The following COL14A1 variants were observed in gnomAD, a reference collection of about 807,000 sequenced individuals.
COL14A1 encodes collagen type XIV alpha 1 chain.
Under a neutral mutation model 230.3 loss-of-function variants are expected in COL14A1, and 136 were observed. The ratio of observed to expected loss-of-function variants is 0.59; its 90% CI spans 0.51 to 0.68. COL14A1 has a LOEUF of 0.68. Ranked by LOEUF, COL14A1 falls within the 30% of genes least tolerant of loss-of-function variation. The probability of loss-of-function intolerance (pLI) is 0.00; values close to 1 mark genes in which losing one functional copy is unlikely to be tolerated. For missense variants in COL14A1, 1,976 were observed against 2,215.8 expected, an observed-to-expected ratio of 0.89 and a Z score of 2.17; for synonymous variants, 792 against 784.1, an observed-to-expected ratio of 1.01 and a Z score of -0.17.
At chr8:120,174,680 C>T (rs1816216277) in intron 5 of COL14A1, among the ~76,000 whole-genome samples, 2 of 152,104 alleles carry the variant, frequency 1.3e-5, no homozygotes, top group Admixed American at 6.6e-5. Context: ...TGGGGTAGGG[C>T]AAGAACTTTC....
chr8:120,247,714 A>G lies in COL14A1; in HGVS notation c.2581A>G (p.Ile861Val), dbSNP rs1245686678. The G allele has an allele frequency of 6.2e-7, 1 of 1,613,992 alleles. No individual in the cohort carries two copies. The highest frequency in any genetic ancestry group is 1.3e-5 in the African/African-American group (1 of 74,906). ...PPSSPVKGYR[I>V]VYKPVSVPGP... Reference sequence around the variant, plus strand: ...ATCTTCCCCGGTGAAAGGCTATAGAATTGTCTACAAACCTGTCAGTGGTAA... The same window carrying G: ...ATCTTCCCCGGTGAAAGGCTATAGAGTTGTCTACAAACCTGTCAGTGGTAA... Residue 861 changes from isoleucine (I) to valine (V), a missense_variant, in exon 21 of 48, where the codon ATT (isoleucine) becomes GTT (valine). Ile to Val is a conservative substitution (Grantham distance 29, BLOSUM62 3). Transcript: ENST00000297848.
chr8:120,206,595 C>T (rs145396291), intron 9 of COL14A1, among the ~76,000 whole-genome samples: 4 of 152,288 alleles, frequency 2.6e-5, no homozygotes, highest in African/African-American at 9.6e-5. Context: ...GTGATCTGCC[C>T]GCCTCGGCCT....
intron 42 of COL14A1, among the ~76,000 whole-genome samples, chr8:120,336,569 T>C (rs1822079052): frequency 6.6e-6 from 1 of 152,178 alleles, no homozygotes; most frequent in Non-Finnish European, 1.5e-5. Flanking sequence ...ATTCCCCAGC[T>C]GCCAGAACAT....
At chr8:120,198,010 G>A (rs1817100237) in intron 7 of COL14A1, 80 bp downstream of exon 7, 3 of 1,404,058 alleles carry the variant, frequency 2.1e-6, no homozygotes, top group Admixed American at 3.9e-5. Flanking sequence ...CACTTTGTAA[G>A]CGTTATCATA....
chr8:120,340,145 AC>A (rs1822243924), intron 42 of COL14A1, among the ~76,000 whole-genome samples: 1 of 151,272 alleles, frequency 6.6e-6, no homozygotes, highest in Non-Finnish European at 1.5e-5. Flanking sequence ...TATTGAATAG[AC>A]ATAGCAGGGC....
At chr8:120,279,026 C>G (rs912055164) in intron 28 of COL14A1, among the ~76,000 whole-genome samples, 1 of 151,878 alleles carries the variant, frequency 6.6e-6, no homozygotes, top group Non-Finnish European at 1.5e-5. Context: ...TGGAAACCAT[C>G]ATCCTCAGCA....
chr8:120,249,961 A>C (rs905900239), intron 21 of COL14A1, among the ~76,000 whole-genome samples: 2 of 152,234 alleles, frequency 1.3e-5, no homozygotes, highest in African/African-American at 4.8e-5. Flanking sequence ...ATGAGCATGC[A>C]TGGGAAGAAG....
At chr8:120,245,892 T>A (rs867800093) in intron 20 of COL14A1, among the ~76,000 whole-genome samples, 1 of 152,204 alleles carries the variant, frequency 6.6e-6, no homozygotes, top group Non-Finnish European at 1.5e-5. Flanking sequence ...TGGAAACTGC[T>A]AGTGTCACTT....
chr8:120,200,296 G>C (rs1009157450), intron 8 of COL14A1, among the ~76,000 whole-genome samples: 1 of 151,278 alleles, frequency 6.6e-6, no homozygotes, highest in Non-Finnish European at 1.5e-5. Context: ...TATCATGAAG[G>C]GTCCCTTTTA....
rs943342975 is a variant in COL14A1, at chr8:120,158,035, G to A, written c.89-95G>A. 2.3e-5 allele frequency: 15 copies of A among 656,916 alleles called. No homozygotes were observed. In the Admixed American group the frequency reaches 2.3e-4, roughly 10 times the overall value. The allele number at this position is 656,916 out of a possible 1,614,324, so 40.7% of individuals were successfully genotyped here. A position where few individuals can be genotyped will look rare whatever the true frequency, so the allele number is the denominator to read the frequency against. ...TATTTTGAGGCTGATGAAGTCTTTT[G>A]TGTGTATTTTTATTATACTACTTTG... On this transcript the variant is annotated intron_variant, in intron 2 of 47. Transcript: ENST00000297848.
chr8:120,271,203 G>A (rs145348520), intron 26 of COL14A1, among the ~76,000 whole-genome samples: 18 of 151,606 alleles, frequency 1.2e-4, no homozygotes, highest in Non-Finnish European at 2.5e-4. Flanking sequence ...GAAGGGAAGA[G>A]CAAACACCAG....
At chr8:120,269,346 CTTTG>C (rs1169364308) in intron 25 of COL14A1, among the ~76,000 whole-genome samples, 1 of 151,728 alleles carries the variant, frequency 6.6e-6, no homozygotes, top group African/African-American at 2.4e-5. Context: ...GTGTAGTTTG[CTTTG>C]TTTAATTCTT....
At chr8:120,185,608 G>A (rs1432652741) in intron 5 of COL14A1, among the ~76,000 whole-genome samples, 1 of 152,098 alleles carries the variant, frequency 6.6e-6, no homozygotes, top group Non-Finnish European at 1.5e-5. Flanking sequence ...AGATTGTAGT[G>A]AGCTAGTATT....
intron 1 of COL14A1, among the ~76,000 whole-genome samples, chr8:120,141,073 T>G (rs1646269877): frequency 6.6e-6 from 1 of 152,218 alleles, no homozygotes; most frequent in East Asian, 1.9e-4. Flanking sequence ...CAAATTAGGT[T>G]TGACATTTTG....
At chr8:120,163,315 T>C (rs552859343) in intron 4 of COL14A1, among the ~76,000 whole-genome samples, 113 of 152,286 alleles carry the variant, frequency 7.4e-4, no homozygotes, top group Admixed American at 1.4e-3. Flanking sequence ...ATGGGAAAGC[T>C]TCATGTTTGA....
intron 34 of COL14A1, among the ~76,000 whole-genome samples, chr8:120,296,042 GT>G (rs1820517861): frequency 1.3e-5 from 2 of 151,854 alleles, no homozygotes; most frequent in South Asian, 4.1e-4. Context: ...AGCAATTGCA[GT>G]TTTGACATTA....
intron 25 of COL14A1, among the ~76,000 whole-genome samples, chr8:120,267,873 G>C (rs186482902): frequency 6.6e-6 from 1 of 151,826 alleles, no homozygotes; most frequent in Admixed American, 6.6e-5. Context: ...TGGTGAAATA[G>C]GGAGGATGGA....
At chr8:120,204,755 C>T (rs1008225691) in intron 9 of COL14A1, among the ~76,000 whole-genome samples, 34 of 152,156 alleles carry the variant, frequency 2.2e-4, no homozygotes, top group Non-Finnish European at 3.1e-4. Flanking sequence ...TTAAGACTGG[C>T]CTCCTTGCTA....
intron 34 of COL14A1, among the ~76,000 whole-genome samples, chr8:120,290,062 T>A (rs370384937): frequency 1.1e-4 from 17 of 152,310 alleles, no homozygotes; most frequent in African/African-American, 3.8e-4. Context: ...AAAATTTAAA[T>A]AGTAAAATAT....
Sources: allele counts gnomAD v4.1 joint callset (sites outside exome capture counted in the v4.1 genomes callset), GRCh38; gene constraint gnomAD v4.1.1; transcripts MANE v1.5; gene names NCBI Gene and HGNC (gene_info 2026-07-23, HGNC 2026-07-21).